Variants in RAP1GDS1 observed in about 807,000 individuals in gnomAD.
RAP1GDS1 encodes RAP1, GTP-GDP dissociation stimulator 1.
In RAP1GDS1, 35 loss-of-function variants were observed where a neutral mutation model predicts 71.1. That is an observed-to-expected ratio of 0.49 (90% confidence interval 0.38 to 0.65). The LOEUF (loss-of-function observed/expected upper bound fraction) is 0.65. Ranked by LOEUF, RAP1GDS1 falls within the 30% of genes least tolerant of loss-of-function variation. The pLI is 0.00. For missense variants in RAP1GDS1, 663 were observed against 706.1 expected (o/e 0.94, Z 0.69); for synonymous variants, 229 against 243.1 (o/e 0.94, Z 0.54).
chr4:98,391,952 A>G lies in RAP1GDS1; in HGVS notation c.509A>G (p.Asp170Gly). ...GMLMNYSNEN[D>G]SLQAQLINMG... is the part of the protein sequence containing the mutation. ...TGTTGTTTTTTTTTTGTTTTTACAG[A>G]TTCGCTTCAAGCTCAGCTTATCAAT... Residue 170 changes from aspartate (D) to glycine (G), a missense_variant and splice_region_variant, in exon 6 of 15, where the codon GAT becomes GGT. By Grantham distance (94) the Asp-to-Gly change is moderately conservative. Coordinates refer to ENST00000408927, the MANE Select transcript of RAP1GDS1 (RefSeq NM_001100427.2). The G allele has an allele frequency of 6.3e-7, 1 of 1,580,318 alleles. No individual in the cohort carries two copies. The highest frequency in any genetic ancestry group is 1.2e-5 in the South Asian group (1 of 83,150).
At chr4:98,385,834 T>C (rs552530503) in intron 5 of RAP1GDS1, among the ~76,000 whole-genome samples, 1 of 152,054 alleles carries the variant, frequency 6.6e-6, no homozygotes, top group East Asian at 1.9e-4. Flanking sequence ...TATTCTTTTG[T>C]AAAAGAAGGG....
At chr4:98,437,217 T>C in intron 14 of RAP1GDS1, 149 bp downstream of exon 14, 1 of 743,918 alleles carries the variant, frequency 1.3e-6, no homozygotes, top group African/African-American at 1.8e-5. Context: ...CCCCTATTAC[T>C]GTAAACACTC....
At chr4:98,371,856 A>G (rs1740434465) in intron 4 of RAP1GDS1, among the ~76,000 whole-genome samples, 2 of 152,222 alleles carry the variant, frequency 1.3e-5, no homozygotes, top group East Asian at 1.9e-4. Flanking sequence ...CAACCTTTTA[A>G]TATTATTTAA....
At chr4:98,311,335 CTT>C (rs1317466418) in intron 2 of RAP1GDS1, among the ~76,000 whole-genome samples, 6 of 152,058 alleles carry the variant, frequency 3.9e-5, no homozygotes, top group African/African-American at 1.4e-4. Context: ...GTCAAAGACT[CTT>C]AAGTATTTTT....
intron 2 of RAP1GDS1, among the ~76,000 whole-genome samples, chr4:98,329,062 TATG>T (rs1340661165): frequency 6.6e-6 from 1 of 152,220 alleles, no homozygotes; most frequent in African/African-American, 2.4e-5. Context: ...CATTCTCAAA[TATG>T]ATATTTCAGT....
chr4:98,273,652 AT>A (rs1056589011), intron 1 of RAP1GDS1, among the ~76,000 whole-genome samples: 1 of 152,054 alleles, frequency 6.6e-6, no homozygotes, highest in Non-Finnish European at 1.5e-5. Flanking sequence ...TCTTTGAGGC[AT>A]TTTTTTCCCC....
At chr4:98,433,165 T>C (rs1044797292) in intron 12 of RAP1GDS1, among the ~76,000 whole-genome samples, 4 of 152,196 alleles carry the variant, frequency 2.6e-5, no homozygotes, top group African/African-American at 9.6e-5. Context: ...CTCAGTCTTT[T>C]TGCATGTAAT....
chr4:98,367,919 G>A (rs1739761314), intron 4 of RAP1GDS1, among the ~76,000 whole-genome samples: 1 of 152,146 alleles, frequency 6.6e-6, no homozygotes, highest in Non-Finnish European at 1.5e-5. Context: ...GGACTTTTGA[G>A]TTAATGCTGA....
At chr4:98,365,058 T>C (rs1334400290) in intron 4 of RAP1GDS1, among the ~76,000 whole-genome samples, 1 of 152,010 alleles carries the variant, frequency 6.6e-6, no homozygotes, top group Non-Finnish European at 1.5e-5. Context: ...GAATAAACAT[T>C]CTTTATTATA....
chr4:98,364,755 A>G (rs1533328), intron 4 of RAP1GDS1, among the ~76,000 whole-genome samples: 21,327 of 151,984 alleles, frequency 0.14, 2,210 homozygotes, highest in African/African-American at 0.28. Context: ...GGCTGGGTGC[A>G]GTGGCTCACA....
chr4:98,395,947 C>T (rs1406026009), intron 6 of RAP1GDS1: 1 of 155,820 alleles, frequency 6.4e-6, no homozygotes, highest in Non-Finnish European at 1.4e-5. Flanking sequence ...GCAGGGTGTA[C>T]AGGAAGTGTG....
At chr4:98,387,486 A>G (rs1364278930) in intron 5 of RAP1GDS1, 1 of 456,028 alleles carries the variant, frequency 2.2e-6, no homozygotes, top group Non-Finnish European at 4.4e-6. Context: ...ACTTGGAACC[A>G]TTGAAATTCA....
intron 4 of RAP1GDS1, among the ~76,000 whole-genome samples, chr4:98,365,268 A>T (rs1183070633): frequency 2.6e-5 from 4 of 152,110 alleles, no homozygotes; most frequent in African/African-American, 9.7e-5. Context: ...AAGTTTGCAG[A>T]CAAGTATCTA....
At chr4:98,421,480 A>G in intron 12 of RAP1GDS1, 86 bp downstream of exon 12, 1 of 1,288,118 alleles carries the variant, frequency 7.8e-7, no homozygotes, top group Non-Finnish European at 1.0e-6. Context: ...CAACTGGGAT[A>G]ATATTTACCT....
chr4:98,312,974 C>T (rs1348129894), intron 2 of RAP1GDS1, among the ~76,000 whole-genome samples: 1 of 139,560 alleles, frequency 7.2e-6, no homozygotes, highest in East Asian at 2.2e-4. Flanking sequence ...GAGACTGAGG[C>T]AGGAGAATGG....
At chr4:98,419,749 A>C (rs928309465) in intron 10 of RAP1GDS1, among the ~76,000 whole-genome samples, 1 of 152,222 alleles carries the variant, frequency 6.6e-6, no homozygotes, top group Non-Finnish European at 1.5e-5. Context: ...AAACTATGTA[A>C]GTAAGTGTTT....
At chr4:98,425,292 A>G (rs970754267) in intron 12 of RAP1GDS1, among the ~76,000 whole-genome samples, 2 of 152,146 alleles carry the variant, frequency 1.3e-5, no homozygotes, top group Non-Finnish European at 2.9e-5. Context: ...TAAAGAATAA[A>G]TCTCACAGGA....
chr4:98,266,484 T>C (rs564615840), intron 1 of RAP1GDS1, among the ~76,000 whole-genome samples: 12 of 152,170 alleles, frequency 7.9e-5, no homozygotes, highest in Non-Finnish European at 1.5e-4. Context: ...ATCAAACTTA[T>C]AGTCATTTTA....
intron 12 of RAP1GDS1, among the ~76,000 whole-genome samples, chr4:98,431,661 G>A (rs1355246615): frequency 2.0e-5 from 3 of 152,124 alleles, no homozygotes; most frequent in Admixed American, 2.0e-4. Context: ...CTTCATCTGA[G>A]CTTCAGTTCC....
Sources: gnomAD v4.1 joint callset for allele counts (sites outside exome capture counted in the v4.1 genomes callset) on GRCh38, gnomAD v4.1.1 for gene constraint, MANE v1.5 for transcripts, NCBI Gene and HGNC (gene_info 2026-07-23, HGNC 2026-07-21) for gene names.